ERICH1: variants seen among roughly 807,000 people sequenced by gnomAD.
ERICH1 encodes glutamate rich 1.
In ERICH1, 56 loss-of-function variants were observed where a neutral mutation model predicts 39.6. The observed-to-expected ratio is 1.41, with a 90% CI of 1.14 to 1.77. The LOEUF (loss-of-function observed/expected upper bound fraction) is 1.77. Ranked by LOEUF, ERICH1 falls within the 40% of genes most tolerant of loss-of-function variation. The pLI, the probability that ERICH1 is intolerant of heterozygous loss-of-function variation, is 0.00. For synonymous variants in ERICH1, 313 were observed against 223.6 expected (o/e 1.40, Z -3.57); for missense variants, 826 against 575.4 (o/e 1.44, Z -4.45).
At chr8:718,301 C>G (rs1235019979) in intron 1 of ERICH1, among the ~76,000 whole-genome samples, 1 of 152,256 alleles carries the variant, frequency 6.6e-6, no homozygotes, top group East Asian at 1.9e-4. Context: ...AGTCTGGCCC[C>G]AGGTCACGGT....
At chr8:722,136 C>T (rs908138810) in intron 1 of ERICH1, among the ~76,000 whole-genome samples, 2 of 151,706 alleles carry the variant, frequency 1.3e-5, no homozygotes, top group Non-Finnish European at 2.9e-5. Context: ...CTTCCAGCAG[C>T]AAGAGCAAGT....
intron 2 of ERICH1, among the ~76,000 whole-genome samples, chr8:705,829 C>T (rs557174570): frequency 6.6e-6 from 1 of 152,344 alleles, no homozygotes; most frequent in East Asian, 1.9e-4. Context: ...ACAAAAGACA[C>T]TGGTGAAAGG....
chr8:640,747 T>C (rs1180322718), intron 3 of ERICH1: 1 of 152,194 alleles, frequency 6.6e-6, no homozygotes, highest in Non-Finnish European at 1.5e-5. Flanking sequence ...TGTTGGTTCC[T>C]TGGGGATGGA....
chr8:663,061 G>C (rs1350976715), downstream of ERICH1, among the ~76,000 whole-genome samples: 2 of 152,228 alleles, frequency 1.3e-5, no homozygotes, highest in African/African-American at 4.8e-5. Context: ...CTGTGCTCCA[G>C]GGCCTACAAC....
At chr8:715,788 C>T in intron 2 of ERICH1, 73 bp downstream of exon 2, 1 of 1,545,954 alleles carries the variant, frequency 6.5e-7, no homozygotes, top group Non-Finnish European at 8.7e-7. Context: ...AAGACACATT[C>T]TCCAAGGCAA....
intron 1 of ERICH1, among the ~76,000 whole-genome samples, chr8:726,928 A>G (rs1415044411): frequency 6.6e-6 from 1 of 151,040 alleles, no homozygotes; most frequent in Non-Finnish European, 1.5e-5. Context: ...ACCACATGCA[A>G]AACACACATA....
chr8:643,467 G>T (rs1333659422), intron 3 of ERICH1, among the ~76,000 whole-genome samples: 1 of 152,100 alleles, frequency 6.6e-6, no homozygotes, highest in African/African-American at 2.4e-5. Flanking sequence ...ACTGGGGATA[G>T]GACTGTCACG....
chr8:636,679 T>C (rs1798464933), intron 3 of ERICH1, among the ~76,000 whole-genome samples: 1 of 152,234 alleles, frequency 6.6e-6, no homozygotes, highest in Non-Finnish European at 1.5e-5. Flanking sequence ...AAAGGGTCGC[T>C]GCTGCAGTGG....
chr8:707,260 T>A (rs1407363781), intron 2 of ERICH1, among the ~76,000 whole-genome samples: 2 of 147,470 alleles, frequency 1.4e-5, no homozygotes, highest in East Asian at 2.0e-4. Context: ...CAGGCTGGAG[T>A]GCAATGATGC....
intron 2 of ERICH1, among the ~76,000 whole-genome samples, chr8:703,516 C>G (rs1029977464): frequency 5.9e-5 from 9 of 152,154 alleles, no homozygotes; most frequent in African/African-American, 1.9e-4. Context: ...CCGTGGGAGA[C>G]CGGGACTCAC....
intron 1 of ERICH1, among the ~76,000 whole-genome samples, chr8:719,625 T>A (rs548528950): frequency 9.2e-5 from 14 of 152,238 alleles, no homozygotes; most frequent in South Asian, 2.1e-4. Flanking sequence ...AATTCTGGCA[T>A]CCGCTGGTGG....
chr8:687,444 G>A (rs142676134), intron 3 of ERICH1, among the ~76,000 whole-genome samples: 3 of 152,250 alleles, frequency 2.0e-5, no homozygotes, highest in African/African-American at 4.8e-5. Context: ...TTTGCAATAA[G>A]CCCAGACGGT....
intron 3 of ERICH1, among the ~76,000 whole-genome samples, chr8:652,050 A>G (rs1363728422): frequency 2.0e-5 from 3 of 152,194 alleles, no homozygotes; most frequent in Non-Finnish European, 4.4e-5. Flanking sequence ...ACCTGGAGGC[A>G]GAGCGTTTGC....
intron 3 of ERICH1, among the ~76,000 whole-genome samples, chr8:657,456 A>G (rs1800802046): frequency 6.6e-6 from 1 of 152,028 alleles, no homozygotes; most frequent in South Asian, 2.1e-4. Context: ...GACATTAGCC[A>G]TTAGGCTGAT....
At chr8:683,769 C>T (rs144451628) in intron 3 of ERICH1, among the ~76,000 whole-genome samples, 1,725 of 152,330 alleles carry the variant, frequency 0.011, 19 homozygotes, top group Middle Eastern at 0.024. Flanking sequence ...TGATCAGGAA[C>T]CACCAAAGGA....
chr8:692,155 T>C (rs1465779641), intron 3 of ERICH1, among the ~76,000 whole-genome samples: 1 of 152,214 alleles, frequency 6.6e-6, no homozygotes, highest in Non-Finnish European at 1.5e-5. Flanking sequence ...AGACAAGTAC[T>C]GTTAACAATT....
intron 3 of ERICH1, among the ~76,000 whole-genome samples, chr8:631,845 G>GC (rs1298242590): frequency 6.6e-6 from 1 of 151,840 alleles, no homozygotes; most frequent in Non-Finnish European, 1.5e-5. Context: ...TGCAGGTGCC[G>GC]CCCCCCGACC....
intron 2 of ERICH1, among the ~76,000 whole-genome samples, chr8:693,508 G>A (rs11137036): frequency 0.22 from 33,890 of 152,094 alleles, 3,912 homozygotes; most frequent in East Asian, 0.43. Flanking sequence ...CACTGCAGAC[G>A]GCTGCTGGAA....
chr8:663,531 GGGACAGGCA>G (rs1248128624), downstream of ERICH1, among the ~76,000 whole-genome samples: 1,749 of 151,408 alleles, frequency 0.012, 29 homozygotes, highest in African/African-American at 0.04. Flanking sequence ...CGGGACAGGC[GGGACAGGCA>G]GGACAGGCGG....
Sources: allele counts gnomAD v4.1 joint callset (sites outside exome capture counted in the v4.1 genomes callset), GRCh38; gene constraint gnomAD v4.1.1; transcripts MANE v1.5; gene names NCBI Gene and HGNC (gene_info 2026-07-23, HGNC 2026-07-21).